The following ERICH6B variants were observed in gnomAD, a reference collection of about 807,000 sequenced individuals.
The protein encoded by ERICH6B is glutamate-rich protein 6B.
A neutral mutation model predicts 80.0 loss-of-function variants in ERICH6B; 69 were observed. The observed-to-expected ratio is 0.86, with a 90% CI of 0.71 to 1.05. The LOEUF (loss-of-function observed/expected upper bound fraction) is 1.05, where lower values mean the gene tolerates loss of function less well. ERICH6B is among the 50% of genes least tolerant of loss of function. The pLI, the probability that ERICH6B is intolerant of heterozygous loss-of-function variation, is 0.00. For missense variants in ERICH6B, 754 were observed against 796.1 expected (o/e 0.95, Z 0.64); for synonymous variants, 283 against 291.9 (o/e 0.97, Z 0.31).
Position 45,541,390 on chromosome 13 carries a change from GT to G in ERICH6B, c.*71del, listed in dbSNP as rs528629773. 3,370 of 1,364,336 alleles carry G rather than the reference GT, an allele frequency of 2.5e-3. 8 individuals carry two copies. The highest frequency in any genetic ancestry group is 3.0e-3 in the Non-Finnish European group (2,994 of 992,904). The allele number at this position is 1,364,336 out of a possible 1,614,324, so 84.5% of individuals were successfully genotyped here. A position where few individuals can be genotyped will look rare whatever the true frequency, so the allele number is the denominator to read the frequency against. ...TCATAAAAGGTCAACAGGTCTTTGG[GT>G]TTTTTTTCCCTGGAGCTCCCAAGGT... On this transcript the variant is annotated 3_prime_UTR_variant, in exon 15 of 15. Transcript: ENST00000298738.
At chr13:45,599,871 T>A (rs1160221692) in intron 2 of ERICH6B, among the ~76,000 whole-genome samples, 1 of 152,176 alleles carries the variant, frequency 6.6e-6, no homozygotes, top group East Asian at 1.9e-4. Context: ...CCCGTGGCCA[T>A]TTGCCAGACA....
At position 45,574,810 on chromosome 13, in the gene ERICH6B, G is replaced by GGC. The variant is rs112996787; in HGVS notation, c.1050+31_1050+32insGC. The GGC allele has an allele frequency of 1.3e-4, 184 of 1,421,898 alleles. 2 individuals carry two copies. In the African/African-American group the frequency reaches 2.9e-3, roughly 23 times the overall value. The allele number at this position is 1,421,898 out of a possible 1,614,324, so 88.1% of individuals were successfully genotyped here. A position where few individuals can be genotyped will look rare whatever the true frequency, so the allele number is the denominator to read the frequency against. ...GCCACCCTACATTTGGAGGAAGCTG[G>GGC]GGGGGGGGTCTCAAGTTTTTATCCA... is the stretch of plus-strand genomic sequence containing the variant. On this transcript the variant is annotated intron_variant, in intron 8 of 14. Coordinates refer to ENST00000298738, the MANE Select transcript of ERICH6B (RefSeq NM_182542.3).
chr13:45,585,871 GGGCCC>G (rs1440381926), intron 5 of ERICH6B, among the ~76,000 whole-genome samples: 14 of 152,174 alleles, frequency 9.2e-5, no homozygotes, highest in Non-Finnish European at 1.5e-4. Flanking sequence ...GATTTCAATG[GGGCCC>G]CTCTCGGGGC....
At chr13:45,572,345 C>G (rs1390361424) in intron 8 of ERICH6B, among the ~76,000 whole-genome samples, 1 of 152,158 alleles carries the variant, frequency 6.6e-6, no homozygotes, top group African/African-American at 2.4e-5. Context: ...TCAGCCTCTC[C>G]CCTCCAATTC....
In ERICH6B at chr13:45,541,609, G is replaced by C. The variant is rs369978802; in HGVS notation, c.1944C>G (p.Ala648=). The change falls in exon 15 of 15, where the codon GCC becomes GCG. Residue 648 remains alanine, a synonymous_variant. Coordinates refer to ENST00000298738, the MANE Select transcript of ERICH6B (RefSeq NM_182542.3). ...TCCCCAGAAGGACCCGGATCTTCTG[G>C]GCTGTTGGGCCGGGTTCTGCCTCCA... The part of the protein sequence containing the change: ...TILEAEPGPT[A]QKIRVLLGKM... 2.7e-4 allele frequency: 426 copies of C among 1,551,618 alleles called. 3 individuals are homozygous for C. In the African/African-American group the frequency reaches 4.3e-3, roughly 16 times the overall value.
intron 2 of ERICH6B, among the ~76,000 whole-genome samples, chr13:45,602,606 C>G (rs1396663139): frequency 6.6e-6 from 1 of 152,194 alleles, no homozygotes; most frequent in East Asian, 1.9e-4. Context: ...CAACAGCCTT[C>G]TTGGCATCTC....
At chr13:45,604,904 C>G (rs947171710) in intron 2 of ERICH6B, among the ~76,000 whole-genome samples, 3 of 152,102 alleles carry the variant, frequency 2.0e-5, no homozygotes, top group African/African-American at 4.8e-5. Flanking sequence ...GTTTCGAGAC[C>G]CTGTCTCAAA....
At chr13:45,580,082 G>A in intron 6 of ERICH6B, 108 bp from the exon 7 acceptor site, 2 of 970,356 alleles carry the variant, frequency 2.1e-6, no homozygotes, top group Non-Finnish European at 3.1e-6. Flanking sequence ...AGATATCTGG[G>A]AAGCCTCAGG....
At chr13:45,601,451 A>T (rs561736606) in intron 2 of ERICH6B, among the ~76,000 whole-genome samples, 1 of 152,278 alleles carries the variant, frequency 6.6e-6, no homozygotes, top group Non-Finnish European at 1.5e-5. Flanking sequence ...TTTCTTTGAC[A>T]GCCAGTCTGT....
At chr13:45,591,384 C>A (rs1253912465) in intron 3 of ERICH6B, among the ~76,000 whole-genome samples, 1 of 152,176 alleles carries the variant, frequency 6.6e-6, no homozygotes, top group Non-Finnish European at 1.5e-5. Context: ...ATCACAAGGT[C>A]AGGAGATCGA....
chr13:45,560,966 G>A (rs1874648260), intron 11 of ERICH6B, among the ~76,000 whole-genome samples: 1 of 152,140 alleles, frequency 6.6e-6, no homozygotes, highest in Non-Finnish European at 1.5e-5. Flanking sequence ...GGCTACTAGA[G>A]TACAGTGGCT....
At chr13:45,585,513 T>G (rs1290348954) in intron 5 of ERICH6B, among the ~76,000 whole-genome samples, 10 of 152,178 alleles carry the variant, frequency 6.6e-5, no homozygotes, top group Non-Finnish European at 1.2e-4. Flanking sequence ...CATGAATTTT[T>G]AGGGAATTGC....
chr13:45,568,076 G>A (rs1245734382), intron 9 of ERICH6B, among the ~76,000 whole-genome samples: 1 of 152,256 alleles, frequency 6.6e-6, no homozygotes, highest in African/African-American at 2.4e-5. Flanking sequence ...TACCTCCCAT[G>A]CTTGCAATAT....
rs1874799639 is a variant in ERICH6B, at chr13:45,563,797, A to G, written c.1188-9T>C. On this transcript the variant is annotated splice_polypyrimidine_tract_variant and intron_variant, in intron 9 of 14. Coordinates refer to ENST00000298738, the MANE Select transcript of ERICH6B (RefSeq NM_182542.3). The stretch of plus-strand genomic sequence containing the variant: ...CATAATTTTTCTTCAGCCTAAAAGG[A>G]AAGTGGATCATCTTTAGAAGCCAAG... 6.4e-7 allele frequency: 1 copy of G among 1,551,266 alleles called. No homozygotes were observed. Among genetic ancestry groups the G allele is most frequent in the Admixed American group, 2.0e-5 (1 of 50,984 alleles).
chr13:45,563,522 A>G, intron 10 of ERICH6B: 1 of 599,360 alleles, frequency 1.7e-6, no homozygotes. Context: ...CCCTGCCACC[A>G]AGAAAGAAAC....
chr13:45,580,768 A>G, intron 5 of ERICH6B, 103 bp from the exon 6 acceptor site: 1 of 1,180,322 alleles, frequency 8.5e-7, no homozygotes, highest in Non-Finnish European at 1.2e-6. Context: ...CTTGGCACCC[A>G]AGGCTGGTCA....
chr13:45,558,131 C>T (rs1343819762), intron 11 of ERICH6B, among the ~76,000 whole-genome samples: 2 of 152,084 alleles, frequency 1.3e-5, no homozygotes, highest in East Asian at 1.9e-4. Flanking sequence ...TGTGGTTTTC[C>T]TTGTAGAGAT....
At position 45,586,938 on chromosome 13, in the gene ERICH6B, A is replaced by G; in HGVS notation, c.856+125T>C. 14 of 1,057,360 alleles carry G rather than the reference A, an allele frequency of 1.3e-5. No individual in the cohort carries two copies. In the South Asian group the frequency reaches 2.4e-4, roughly 18 times the overall value. The allele number at this position is 1,057,360 out of a possible 1,614,324, so 65.5% of individuals were successfully genotyped here. Reference sequence around the variant, plus strand: ...AATGAGACCTCAGAGGGCAACAGAAACAGTAGGATATCATTAGCATGAAAG... The same window carrying G: ...AATGAGACCTCAGAGGGCAACAGAAGCAGTAGGATATCATTAGCATGAAAG... On this transcript the variant is annotated intron_variant, in intron 5 of 14. Transcript: ENST00000298738.
intron 2 of ERICH6B, among the ~76,000 whole-genome samples, chr13:45,605,201 C>A (rs1026322036): frequency 3.3e-5 from 5 of 152,156 alleles, no homozygotes; most frequent in Non-Finnish European, 7.3e-5. Flanking sequence ...GTGCAGTGCC[C>A]CCACCTCACT....
Sources: allele counts gnomAD v4.1 joint callset (sites outside exome capture counted in the v4.1 genomes callset), GRCh38; gene constraint gnomAD v4.1.1; transcripts MANE v1.5; gene names NCBI Gene and HGNC (gene_info 2026-07-23, HGNC 2026-07-21).